The following XYLT1 variants were observed in gnomAD, a reference collection of about 807,000 sequenced individuals.
XYLT1 encodes beta-D-xylosyltransferase 1.
XYLT1 carries 36 observed loss-of-function variants against 91.3 expected under a neutral mutation model. The observed-to-expected ratio is 0.39, with a 90% confidence interval of 0.30 to 0.52. XYLT1 has a LOEUF of 0.52. Among genes scored for constraint, XYLT1 ranks in the 20% least tolerant of loss-of-function variants. The pLI, the probability that XYLT1 is intolerant of heterozygous loss-of-function variation, is 0.68. For synonymous variants in XYLT1, 588 were observed against 532.0 expected, an observed-to-expected ratio of 1.11 and a Z score of -1.45; for missense variants, 1,242 against 1,284.5, an observed-to-expected ratio of 0.97 and a Z score of 0.51.
chr16:17,111,025 T>A (rs1966839778), intron 11 of XYLT1, among the ~76,000 whole-genome samples: 1 of 152,162 alleles, frequency 6.6e-6, no homozygotes, highest in Admixed American at 6.5e-5. Flanking sequence ...CCGGGCGTGA[T>A]GGCTGATGCC....
At chr16:17,329,129 CAGACAT>C (rs1330206658) in intron 2 of XYLT1, among the ~76,000 whole-genome samples, 2 of 152,208 alleles carry the variant, frequency 1.3e-5, no homozygotes, top group African/African-American at 2.4e-5. Flanking sequence ...TAGCTCAAAA[CAGACAT>C]AGACGAGTAC....
chr16:17,243,788 G>C (rs2033387589), intron 3 of XYLT1, among the ~76,000 whole-genome samples: 1 of 152,126 alleles, frequency 6.6e-6, no homozygotes, highest in South Asian at 2.1e-4. Flanking sequence ...GGGTCATCAA[G>C]GGCTGAGAAA....
At chr16:17,266,654 CAT>C (rs1392502637) in intron 2 of XYLT1, among the ~76,000 whole-genome samples, 12 of 152,204 alleles carry the variant, frequency 7.9e-5, no homozygotes, top group African/African-American at 2.9e-4. Context: ...ACTGCTCACA[CAT>C]GAGGGCGCCT....
At chr16:17,366,392 A>C (rs1052261026) in intron 1 of XYLT1, among the ~76,000 whole-genome samples, 1 of 152,180 alleles carries the variant, frequency 6.6e-6, no homozygotes, top group Non-Finnish European at 1.5e-5. Flanking sequence ...AGGGGTTTGT[A>C]AATATTATCT....
rs537483450 is a variant in XYLT1, at chr16:17,283,041, T to G, written c.403-23543A>C. 7.2e-5 allele frequency among the ~76,000 whole-genome samples: 11 copies of G among 152,114 alleles called. No individual in the cohort carries two copies. In the East Asian group the frequency reaches 2.1e-3, roughly 30 times the overall value. The stretch of plus-strand genomic sequence containing the variant: ...CTCATCACCTCCAAACTTCACATAT[T>G]GCATGCATAGACCCACATTTCCAGA... On this transcript the variant is annotated intron_variant, in intron 2 of 11. Coordinates refer to ENST00000261381, the MANE Select transcript of XYLT1 (RefSeq NM_022166.4).
intron 6 of XYLT1, among the ~76,000 whole-genome samples, chr16:17,151,575 G>A (rs1415169276): frequency 6.6e-6 from 1 of 152,192 alleles, no homozygotes; most frequent in Non-Finnish European, 1.5e-5. Flanking sequence ...TCATGGGGTT[G>A]TTGTAGAAAG....
chr16:17,368,742 G>A (rs1319268194), intron 1 of XYLT1, among the ~76,000 whole-genome samples: 2 of 151,824 alleles, frequency 1.3e-5, no homozygotes, highest in African/African-American at 2.4e-5. Context: ...GTGCCACCAC[G>A]CCTGGCTAAT....
chr16:17,324,584 C>T (rs1442511250), intron 2 of XYLT1, among the ~76,000 whole-genome samples: 1 of 152,228 alleles, frequency 6.6e-6, no homozygotes, highest in East Asian at 1.9e-4. Context: ...AAAGCTTGTC[C>T]TTCGTTTCTG....
intron 1 of XYLT1, among the ~76,000 whole-genome samples, chr16:17,465,561 G>GT (rs2036884612): frequency 1.2e-5 from 1 of 82,336 alleles, no homozygotes; most frequent in Non-Finnish European, 2.6e-5. Flanking sequence ...TTTTTTGGGG[G>GT]GGGGGGGGGT....
chr16:17,237,872 T>A (rs1340817594), intron 3 of XYLT1, among the ~76,000 whole-genome samples: 1 of 152,224 alleles, frequency 6.6e-6, no homozygotes. Flanking sequence ...CTGTCCTTAT[T>A]TCCAAGTCAG....
At chr16:17,248,611 C>T (rs975458184) in intron 3 of XYLT1, among the ~76,000 whole-genome samples, 4 of 152,116 alleles carry the variant, frequency 2.6e-5, no homozygotes, top group Admixed American at 6.5e-5. Flanking sequence ...CCTTTGCACA[C>T]GATACTCCCT....
At chr16:17,407,938 C>T (rs368032563) in intron 1 of XYLT1, among the ~76,000 whole-genome samples, 18 of 152,224 alleles carry the variant, frequency 1.2e-4, no homozygotes, top group African/African-American at 4.1e-4. Flanking sequence ...ACAGTCTGGC[C>T]TTCCCCTCCC....
At chr16:17,401,536 A>G (rs866523375) in intron 1 of XYLT1, among the ~76,000 whole-genome samples, 2 of 152,108 alleles carry the variant, frequency 1.3e-5, no homozygotes, top group South Asian at 4.1e-4. Context: ...ATCCTTTTCT[A>G]TGTTCCCGGG....
At chr16:17,448,531 C>A (rs561197781) in intron 1 of XYLT1, among the ~76,000 whole-genome samples, 4 of 152,254 alleles carry the variant, frequency 2.6e-5, no homozygotes, top group Admixed American at 2.6e-4. Context: ...GCAGGCCACA[C>A]AGCCAGCAAC....
At chr16:17,114,524 ATCT>A (rs947628718) in intron 11 of XYLT1, among the ~76,000 whole-genome samples, 6 of 152,150 alleles carry the variant, frequency 3.9e-5, no homozygotes, top group Non-Finnish European at 5.9e-5. Context: ...TGTCACAGAA[ATCT>A]TCTGTGTTGA....
At position 17,108,582 on chromosome 16, in the gene XYLT1, G is replaced by T. The variant is rs962902562; in HGVS notation, c.*113C>A. ...TTTCCATCATTCTATGGCCAGGAGA[G>T]ACCCATTCACAGAGGGCCTCCCCCA... On this transcript the variant is annotated 3_prime_UTR_variant, in exon 12 of 12. Transcript: ENST00000261381. 1 of 1,037,280 alleles carries T rather than the reference G, an allele frequency of 9.6e-7. No homozygotes were observed. Among genetic ancestry groups the T allele is most frequent in the Non-Finnish European group, 1.4e-6 (1 of 739,650 alleles). 64.3% of individuals were successfully genotyped at this position (1,037,280 alleles called of 1,614,324 possible).
chr16:17,286,451 C>T (rs2034141757), intron 2 of XYLT1, among the ~76,000 whole-genome samples: 1 of 152,214 alleles, frequency 6.6e-6, no homozygotes, highest in Admixed American at 6.5e-5. Context: ...TCATCCCAAA[C>T]CATTCACCTT....
At chr16:17,222,511 C>T (rs151237146) in intron 3 of XYLT1, among the ~76,000 whole-genome samples, 103 of 152,238 alleles carry the variant, frequency 6.8e-4, no homozygotes, top group African/African-American at 1.0e-3. Flanking sequence ...GAATCTAGAC[C>T]GGGCGCAGTG....
At chr16:17,215,807 C>T (rs998718312) in intron 3 of XYLT1, among the ~76,000 whole-genome samples, 6 of 152,150 alleles carry the variant, frequency 3.9e-5, no homozygotes, top group African/African-American at 1.2e-4. Flanking sequence ...GCCAGTGTGG[C>T]TGGAACTGAG....
Sources: allele counts gnomAD v4.1 joint callset (sites outside exome capture counted in the v4.1 genomes callset), GRCh38; gene constraint gnomAD v4.1.1; transcripts MANE v1.5; gene names NCBI Gene and HGNC (gene_info 2026-07-23, HGNC 2026-07-21).